Variants in PARD3B observed in about 807,000 individuals in gnomAD.
PARD3B encodes the protein par-3 family cell polarity regulator beta.
A neutral mutation model predicts 130.2 loss-of-function variants in PARD3B; 103 were observed. The observed-to-expected ratio is 0.79, with a 90% CI of 0.67 to 0.93. The LOEUF is 0.93. Among genes scored for constraint, PARD3B ranks in the 40% least tolerant of loss-of-function variants. PARD3B has a pLI of 0.00. For missense variants in PARD3B, 1,609 were observed against 1,499.2 expected (o/e 1.07, Z -1.21); for synonymous variants, 583 against 553.2 (o/e 1.05, Z -0.76).
intron 8 of PARD3B, among the ~76,000 whole-genome samples, chr2:205,123,156 G>A (rs1446267045): frequency 1.3e-5 from 2 of 152,170 alleles, no homozygotes; most frequent in Non-Finnish European, 2.9e-5. Context: ...TAAGTAAAGG[G>A]TGCACTGCAT....
intron 2 of PARD3B, among the ~76,000 whole-genome samples, chr2:204,733,957 C>T (rs769437689): frequency 2.6e-5 from 4 of 152,010 alleles, no homozygotes; most frequent in African/African-American, 4.8e-5. Context: ...ATACAGCATA[C>T]CTGAACTGCA....
At chr2:204,772,493 A>T (rs1574945404) in intron 2 of PARD3B, among the ~76,000 whole-genome samples, 1 of 152,192 alleles carries the variant, frequency 6.6e-6, no homozygotes, top group Non-Finnish European at 1.5e-5. Flanking sequence ...GTTTTAATCA[A>T]ATATTTTGCA....
rs115493945 is a variant in PARD3B at position 205,441,037 on chromosome 2, G to A, written c.3044+365G>A. Among the ~76,000 whole-genome samples, 795 of 152,320 alleles carry A rather than the reference G, an allele frequency of 5.2e-3. 4 individuals are homozygous for A. The highest frequency in any genetic ancestry group is 8.9e-3 in the Admixed American group (136 of 15,306). ...GAAGATGGCATGGCACATGGAGGTG[G>A]AGAGTCAGAAAAGAGAAGATGATAG... On this transcript the variant is annotated intron_variant, in intron 20 of 22. Transcript: ENST00000406610.
rs1483024882 is a variant in PARD3B, at chr2:204,890,070, T to G, written c.223-75082T>G. Among the ~76,000 whole-genome samples the G allele has an allele frequency of 6.6e-6, 1 of 152,220 alleles. No homozygotes were observed. The highest frequency in any genetic ancestry group is 1.9e-4 in the East Asian group (1 of 5,196). On this transcript the variant is annotated intron_variant, in intron 2 of 22. Transcript: ENST00000406610. The surrounding 1 kb of genome is among the most constrained non-coding windows in gnomAD (Gnocchi z 4.9). The stretch of plus-strand genomic sequence containing the variant: ...TTTTGGCATATGTTCTCTGGGACTA[T>G]CGGTTTTATTGCAACTGGATGCAGA...
chr2:204,815,693 C>G (rs956816888), intron 2 of PARD3B, among the ~76,000 whole-genome samples: 2 of 151,906 alleles, frequency 1.3e-5, no homozygotes, highest in Non-Finnish European at 2.9e-5. Context: ...TAGCAGCATC[C>G]CACTGACTTT....
rs1371082311 is a variant in PARD3B at position 205,473,684 on chromosome 2, G to GTGTGTGTGTGTA, written c.3045-26211_3045-26210insGTGTGTGTGTAT. Among the ~76,000 whole-genome samples the GTGTGTGTGTGTA allele has an allele frequency of 8.7e-6, 1 of 114,622 alleles. No homozygotes were observed. Among genetic ancestry groups the GTGTGTGTGTGTA allele is most frequent in the Non-Finnish European group, 1.7e-5 (1 of 57,500 alleles). The allele number at this position is 114,622 out of a possible 152,430, so 75.2% of individuals were successfully genotyped here. A position where few individuals can be genotyped will look rare whatever the true frequency, so the allele number is the denominator to read the frequency against. On this transcript the variant is annotated intron_variant, in intron 20 of 22. Transcript: ENST00000406610. The surrounding 1 kb of genome is among the most constrained non-coding windows in gnomAD (Gnocchi z 4.9). Reference sequence around the variant, plus strand: ...TGTGTGTGTGTGTGTGTGTGTGTATGTATATATATATATATATATATATAT... The same window carrying GTGTGTGTGTGTA: ...TGTGTGTGTGTGTGTGTGTGTGTATGTGTGTGTGTGTATATATATATATATATATATATATAT...
At position 204,875,265 on chromosome 2, in the gene PARD3B, A is replaced by G. The variant is rs558678830; in HGVS notation, c.223-89887A>G. ...GGCAGTCACTCTCCATTCCCAATCTATATAATTTTAACAGTCTTATAATTT... is the reference window on the plus strand; with the variant it reads ...GGCAGTCACTCTCCATTCCCAATCTGTATAATTTTAACAGTCTTATAATTT... On this transcript the variant is annotated intron_variant, in intron 2 of 22. Coordinates refer to ENST00000406610, the MANE Select transcript of PARD3B (RefSeq NM_001302769.2). Among the ~76,000 whole-genome samples, 481 of 152,242 alleles carry G rather than the reference A, an allele frequency of 3.2e-3. 4 individuals carry two copies. The highest frequency in any genetic ancestry group is 8.2e-3 in the Admixed American group (126 of 15,278).
chr2:205,453,451 G>A (rs868352855), intron 20 of PARD3B, among the ~76,000 whole-genome samples: 6 of 152,130 alleles, frequency 3.9e-5, no homozygotes, highest in Non-Finnish European at 5.9e-5. Flanking sequence ...AAGGCAATGG[G>A]GAACGCTTAA....
chr2:205,566,020 A>G (rs2053318695), intron 22 of PARD3B, among the ~76,000 whole-genome samples: 2 of 152,186 alleles, frequency 1.3e-5, no homozygotes, highest in Non-Finnish European at 2.9e-5. Flanking sequence ...GAGGTTTAAG[A>G]CAATAAATAA....
chr2:204,696,940 T>C (rs1195597788), intron 2 of PARD3B, among the ~76,000 whole-genome samples: 1 of 152,094 alleles, frequency 6.6e-6, no homozygotes, highest in Non-Finnish European at 1.5e-5. Flanking sequence ...AGAAATAATG[T>C]CTTCATTAAT....
chr2:205,109,155 A>G (rs558741596), intron 5 of PARD3B, among the ~76,000 whole-genome samples: 65 of 152,364 alleles, frequency 4.3e-4, no homozygotes, highest in African/African-American at 1.5e-3. Flanking sequence ...GGATCTCATC[A>G]CCAACAACAA....
chr2:205,248,398 G>T (rs549220288), intron 16 of PARD3B, among the ~76,000 whole-genome samples: 1 of 150,898 alleles, frequency 6.6e-6, no homozygotes, highest in East Asian at 2.0e-4. Flanking sequence ...GGTGGTGGTG[G>T]TGGTGGTGGT....
At chr2:205,501,319 C>G (rs905513573) in intron 21 of PARD3B, among the ~76,000 whole-genome samples, 3 of 152,190 alleles carry the variant, frequency 2.0e-5, no homozygotes, top group East Asian at 3.9e-4. Flanking sequence ...GACTATGGAT[C>G]GGAACAAACA....
intron 2 of PARD3B, among the ~76,000 whole-genome samples, chr2:204,710,396 G>T (rs1419723543): frequency 6.6e-6 from 1 of 152,236 alleles, no homozygotes; most frequent in African/African-American, 2.4e-5. Flanking sequence ...GTCTGTTAAA[G>T]TACGTTTAAA....
At chr2:204,893,125 G>A (rs1475561360) in intron 2 of PARD3B, among the ~76,000 whole-genome samples, 1 of 152,154 alleles carries the variant, frequency 6.6e-6, no homozygotes, top group African/African-American at 2.4e-5. Flanking sequence ...ACTGGCAAGG[G>A]AGGAGAACCA....
At chr2:205,316,220 A>C (rs1361603744) in intron 18 of PARD3B, among the ~76,000 whole-genome samples, 1 of 151,450 alleles carries the variant, frequency 6.6e-6, no homozygotes, top group Non-Finnish European at 1.5e-5. Context: ...GGAGTTAATT[A>C]TTTTTTTTTA....
Position 205,050,430 on chromosome 2 carries a change from T to C in PARD3B, c.504+2740T>C, listed in dbSNP as rs756621687. On this transcript the variant is annotated intron_variant, in intron 4 of 22. Coordinates refer to ENST00000406610, the MANE Select transcript of PARD3B (RefSeq NM_001302769.2). ...TATATATGTGTGTTATAACTGTTAA[T>C]ATATCCTTGCATAGCCAAACTTATG... 2.1e-3 allele frequency among the ~76,000 whole-genome samples: 315 copies of C among 151,814 alleles called. 2 individuals carry two copies. Among genetic ancestry groups the C allele is most frequent in the Non-Finnish European group, 3.4e-3 (232 of 67,940 alleles).
At chr2:205,048,629 T>C (rs1254116390) in intron 4 of PARD3B, 1 of 152,220 alleles carries the variant, frequency 6.6e-6, no homozygotes, top group Non-Finnish European at 1.5e-5. Flanking sequence ...TTTATAGGTA[T>C]ATACGGATGC....
At chr2:204,815,445 C>G (rs1224841321) in intron 2 of PARD3B, among the ~76,000 whole-genome samples, 1 of 151,800 alleles carries the variant, frequency 6.6e-6, no homozygotes, top group Non-Finnish European at 1.5e-5. Flanking sequence ...ATCAATCTGC[C>G]TAGAGGTTTA....
Sources: gnomAD v4.1 joint callset for allele counts (sites outside exome capture counted in the v4.1 genomes callset) on GRCh38, gnomAD v4.1.1 for gene constraint, Gnocchi (gnomAD v3.1) non-coding constraint, MANE v1.5 for transcripts, NCBI Gene and HGNC (gene_info 2026-07-23, HGNC 2026-07-21) for gene names.